FOXP1: variants seen among roughly 807,000 people sequenced by gnomAD.
FOXP1 encodes the protein forkhead box P1.
A neutral mutation model predicts 98.2 loss-of-function variants in FOXP1; 15 were observed. The observed-to-expected ratio is 0.15, with a 90% CI of 0.10 to 0.24. The LOEUF (loss-of-function observed/expected upper bound fraction) is 0.24. FOXP1 is among the 10% of genes least tolerant of loss of function. FOXP1 has a pLI of 1.00. For synonymous variants in FOXP1, 371 were observed against 314.5 expected (o/e 1.18, Z -1.90); for missense variants, 633 against 848.5 (o/e 0.75, Z 3.15).
At chr3:71,412,171 G>A (rs140758347) in intron 3 of FOXP1, among the ~76,000 whole-genome samples, 10 of 152,168 alleles carry the variant, frequency 6.6e-5, no homozygotes, top group East Asian at 5.8e-4. Context: ...GGGACAGGTC[G>A]CATGGTGTAG....
intron 6 of FOXP1, among the ~76,000 whole-genome samples, chr3:71,122,953 G>A (rs995477661): frequency 1.3e-5 from 2 of 152,092 alleles, no homozygotes; most frequent in Non-Finnish European, 2.9e-5. Flanking sequence ...TTTGCCTCCA[G>A]AATGAAAGGA....
intron 3 of FOXP1, chr3:71,360,670 A>G (rs2078494203): frequency 6.6e-6 from 1 of 151,720 alleles, no homozygotes; most frequent in South Asian, 2.1e-4. Flanking sequence ...TCACTAATAC[A>G]GAAAAAAAAA....
chr3:71,557,618 G>A lies in FOXP1; in HGVS notation c.-298+23931C>T, dbSNP rs145386210. Among the ~76,000 whole-genome samples, 231 of 152,304 alleles carry A rather than the reference G, an allele frequency of 1.5e-3. 1 individual carries two copies. Among genetic ancestry groups the A allele is most frequent in the African/African-American group, 5.1e-3 (214 of 41,572 alleles). On this transcript the variant is annotated intron_variant, in intron 2 of 20. Transcript: ENST00000649528. Reference sequence around the variant, plus strand: ...TTCAACTGTCTGTCCCACCTTCACGGAAGAGTGAGGTGAGGTAATAGAAAG... The same window carrying A: ...TTCAACTGTCTGTCCCACCTTCACGAAAGAGTGAGGTGAGGTAATAGAAAG...
chr3:71,498,376 G>C (rs928581624), intron 2 of FOXP1, among the ~76,000 whole-genome samples: 1 of 152,276 alleles, frequency 6.6e-6, no homozygotes, highest in East Asian at 1.9e-4. Context: ...TAGCAATCAA[G>C]TTGTTTACCA....
intron 7 of FOXP1, among the ~76,000 whole-genome samples, chr3:71,098,157 G>T (rs904037603): frequency 5.3e-5 from 8 of 152,130 alleles, no homozygotes; most frequent in Non-Finnish European, 8.8e-5. Context: ...TGATACTGTT[G>T]CAAATAATCA....
At chr3:71,054,004 T>C (rs1343331936) in intron 7 of FOXP1, among the ~76,000 whole-genome samples, 1 of 152,196 alleles carries the variant, frequency 6.6e-6, no homozygotes, top group Non-Finnish European at 1.5e-5. Flanking sequence ...CAGGCAGCCT[T>C]GCAAGCACAC....
At chr3:71,164,376 T>G (rs113301186) in intron 6 of FOXP1, among the ~76,000 whole-genome samples, 1 of 151,918 alleles carries the variant, frequency 6.6e-6, no homozygotes, top group Non-Finnish European at 1.5e-5. Flanking sequence ...ATTTTTTGTA[T>G]TTTTAGTGGA....
chr3:71,505,586 C>T (rs2041758680), intron 2 of FOXP1, among the ~76,000 whole-genome samples: 1 of 152,080 alleles, frequency 6.6e-6, no homozygotes, highest in Non-Finnish European at 1.5e-5. Flanking sequence ...CCGCCACGCC[C>T]GGCTAAATTT....
Position 71,057,964 on chromosome 3 carries a change from G to A in FOXP1, c.283-4191C>T, listed in dbSNP as rs192343993. ...TGCTGTGTAAATTCTGCCTGATACG[G>A]TTTTTTCTTCAAAATGACTCTCTAT... is the stretch of plus-strand genomic sequence containing the variant. On this transcript the variant is annotated intron_variant, in intron 7 of 20. Coordinates refer to ENST00000649528, the MANE Select transcript of FOXP1 (RefSeq NM_001349338.3). Among the ~76,000 whole-genome samples, 266 of 152,222 alleles carry A rather than the reference G, an allele frequency of 1.7e-3. 5 individuals are homozygous for A. The highest frequency in any genetic ancestry group is 0.013 in the Admixed American group (204 of 15,292).
intron 2 of FOXP1, among the ~76,000 whole-genome samples, chr3:71,564,241 T>C (rs1473257923): frequency 6.6e-6 from 1 of 152,250 alleles, no homozygotes; most frequent in Admixed American, 6.5e-5. Flanking sequence ...CTTCAGTTTT[T>C]TCGTAATCTT....
At chr3:71,169,924 A>G (rs1038391504) in intron 6 of FOXP1, among the ~76,000 whole-genome samples, 1 of 152,204 alleles carries the variant, frequency 6.6e-6, no homozygotes, top group Non-Finnish European at 1.5e-5. Context: ...AGTTAAAACG[A>G]TGGGATGAAT....
chr3:71,186,053 C>T (rs1194913154), intron 6 of FOXP1, among the ~76,000 whole-genome samples: 1 of 152,196 alleles, frequency 6.6e-6, no homozygotes, highest in East Asian at 1.9e-4. Context: ...CTGTTTATGT[C>T]TTACTGCACC....
intron 3 of FOXP1, among the ~76,000 whole-genome samples, chr3:71,449,910 T>C (rs1437063382): frequency 1.3e-5 from 2 of 152,120 alleles, no homozygotes; most frequent in Non-Finnish European, 2.9e-5. Flanking sequence ...AAATACGAGG[T>C]AAATAAAAGT....
At chr3:71,226,269 G>T (rs1397275282) in intron 5 of FOXP1, among the ~76,000 whole-genome samples, 1 of 152,198 alleles carries the variant, frequency 6.6e-6, no homozygotes, top group Non-Finnish European at 1.5e-5. Flanking sequence ...GGCTCTTGAG[G>T]TCTGAAATGG....
intron 4 of FOXP1, among the ~76,000 whole-genome samples, chr3:71,355,777 A>G (rs2078111013): frequency 6.6e-6 from 1 of 152,108 alleles, no homozygotes; most frequent in South Asian, 2.1e-4. Context: ...ATATGGTGTC[A>G]ATGTTAATGA....
At chr3:71,094,596 G>A (rs2056274606) in intron 7 of FOXP1, among the ~76,000 whole-genome samples, 1 of 152,094 alleles carries the variant, frequency 6.6e-6, no homozygotes, top group African/African-American at 2.4e-5. Context: ...TCCATTCTAA[G>A]GCCTGTTTCC....
intron 6 of FOXP1, among the ~76,000 whole-genome samples, chr3:71,116,253 A>G (rs2058368606): frequency 6.6e-6 from 1 of 152,152 alleles, no homozygotes; most frequent in African/African-American, 2.4e-5. Flanking sequence ...CATAGGGTAC[A>G]TGAACTTAAA....
At chr3:71,232,896 A>AAAAAAAAAAAAAG (rs2066431600) in intron 5 of FOXP1, among the ~76,000 whole-genome samples, 1 of 135,566 alleles carries the variant, frequency 7.4e-6, no homozygotes, top group Non-Finnish European at 1.6e-5. Flanking sequence ...AAAAAAAAAA[A>AAAAAAAAAAAAAG]GCAAGAAAAA....
intron 9 of FOXP1, among the ~76,000 whole-genome samples, chr3:71,048,150 A>C (rs1184708083): frequency 1.3e-5 from 2 of 152,082 alleles, no homozygotes; most frequent in Non-Finnish European, 2.9e-5. Flanking sequence ...AAAAAAAAAG[A>C]AAAGTTTCTT....
Sources: allele counts gnomAD v4.1 joint callset (sites outside exome capture counted in the v4.1 genomes callset), GRCh38; gene constraint gnomAD v4.1.1; transcripts MANE v1.5; gene names NCBI Gene and HGNC (gene_info 2026-07-23, HGNC 2026-07-21).